RBM10: variants seen among roughly 807,000 people sequenced by gnomAD.
RBM10 encodes the protein RNA binding motif protein 10.
A neutral mutation model predicts 84.9 loss-of-function variants in RBM10; 1 was observed. That is an observed-to-expected ratio of 0.01 (90% CI 0.00 to 0.06). The LOEUF (loss-of-function observed/expected upper bound fraction) is 0.06. Ranked by LOEUF, RBM10 falls within the 10% of genes least tolerant of loss-of-function variation. RBM10 has a pLI of 1.00. For synonymous variants in RBM10, 326 were observed against 344.5 expected (o/e 0.95, Z 0.60); for missense variants, 438 against 839.0 (o/e 0.52, Z 5.90).
intron 1 of RBM10, among the ~76,000 whole-genome samples, chrX:47,145,897 C>T (rs1339157290): frequency 1.0e-5 from 1 of 97,184 alleles, no homozygotes; most frequent in Non-Finnish European, 2.0e-5. Context: ...GTTCTGGTCT[C>T]TATTCCTGGG....
chrX:47,145,547 G>A, intron 1 of RBM10, 62 bp downstream of exon 1: 1 of 1,110,149 alleles, frequency 9.0e-7, no homozygotes, highest in Non-Finnish European at 1.2e-6. Flanking sequence ...ACGTAGAGGA[G>A]GCGCGAGGGC....
chrX:47,159,883 AT>A (rs1933528085), intron 2 of RBM10, among the ~76,000 whole-genome samples: 1 of 112,388 alleles, frequency 8.9e-6, no homozygotes, highest in South Asian at 3.7e-4. Flanking sequence ...CATGCCTGTA[AT>A]CCCAGCACTT....
intron 17 of RBM10, 74 bp downstream of exon 17, chrX:47,182,400 C>T (rs2147201361): frequency 8.7e-7 from 1 of 1,147,898 alleles, no homozygotes. Flanking sequence ...TCAGCTCTTG[C>T]CCTCTCCTGC....
chrX:47,161,765 C>T (rs782241217), intron 2 of RBM10, among the ~76,000 whole-genome samples: 1 of 110,696 alleles, frequency 9.0e-6, no homozygotes, highest in South Asian at 3.8e-4. Flanking sequence ...CTCCCGGGCT[C>T]GAGCGATCCG....
At chrX:47,177,863 C>T (rs781851189) in intron 7 of RBM10, among the ~76,000 whole-genome samples, 5 of 111,850 alleles carry the variant, frequency 4.5e-5, no homozygotes, top group East Asian at 2.8e-4. Context: ...GCAGTCCTCA[C>T]GCCTCAGCCT....
At chrX:47,149,542 T>C (rs1159561194) in intron 2 of RBM10, among the ~76,000 whole-genome samples, 1 of 109,462 alleles carries the variant, frequency 9.1e-6, no homozygotes, top group African/African-American at 3.3e-5. Flanking sequence ...GTATTTTTAG[T>C]AGAGATGGGG....
Position 47,186,278 on chromosome X carries a change from G to T in RBM10, c.2558G>T (p.Arg853Leu). The T allele has an allele frequency of 8.3e-7, 1 of 1,208,105 alleles. No homozygotes were observed. Among genetic ancestry groups the T allele is most frequent in the Non-Finnish European group, 1.1e-6 (1 of 893,373 alleles). ...TGCAGAGACTTCGAGCAGCCTACTC[G>T]GGACGGGCTGGGCAGTGACAACATT... ...TASVDFEQPT[R>L]DGLGSDNIGS... The change falls in exon 23 of 24, where the codon CGG (arginine) becomes CTG (leucine). Residue 853 changes from arginine to leucine, a missense_variant. Transcript: ENST00000377604.
rs369214856 is a variant in RBM10, at chrX:47,147,507, T to C, written c.17+9T>C. The C allele has an allele frequency of 5.5e-5, 67 of 1,209,500 alleles. No individual in the cohort carries two copies. The highest frequency in any genetic ancestry group is 1.2e-4 in the African/African-American group (7 of 57,219). On this transcript the variant is annotated intron_variant, in intron 2 of 23. Transcript: ENST00000377604. ...ATGGAGTATGAAAGACGGTGAGTTA[T>C]CTGTTCTCAGCTTCCCAGACAGCCT...
intron 2 of RBM10, chrX:47,157,595 G>A (rs960765399): frequency 1.5e-5 from 7 of 463,169 alleles, no homozygotes; most frequent in African/African-American, 2.4e-5. Context: ...GGGTTCTGAC[G>A]GCAGGGAAGG....
chrX:47,175,104 G>A lies in RBM10; in HGVS notation c.576+12G>A, dbSNP rs1935029138. On this transcript the variant is annotated intron_variant, in intron 6 of 23. Coordinates refer to ENST00000377604, the MANE Select transcript of RBM10 (RefSeq NM_005676.5). ...TGGAAGCCAATCAGGTTGCTTTGCC[G>A]CACTTGAACCCCCCCCCAAACAAAT... The A allele has an allele frequency of 4.2e-6, 5 of 1,193,471 alleles. No homozygotes were observed. The highest frequency in any genetic ancestry group is 5.7e-6 in the Non-Finnish European group (5 of 880,326).
chrX:47,158,082 G>A, intron 2 of RBM10: 1 of 189,402 alleles, frequency 5.3e-6, no homozygotes, highest in Non-Finnish European at 1.0e-5. Context: ...GGCCTCAGCT[G>A]CACCACTTCT....
intron 2 of RBM10, among the ~76,000 whole-genome samples, chrX:47,163,242 CATGTA>C (rs1246048728): frequency 1.8e-5 from 2 of 111,241 alleles, no homozygotes; most frequent in Non-Finnish European, 3.8e-5. Context: ...ATGACAACTA[CATGTA>C]ATGTAATATT....
chrX:47,158,599 C>T (rs1386265148), intron 2 of RBM10, among the ~76,000 whole-genome samples: 3 of 111,921 alleles, frequency 2.7e-5, no homozygotes, highest in Non-Finnish European at 5.7e-5. Flanking sequence ...GACGAGGTTT[C>T]ACCATGTTGC....
At chrX:47,173,229 A>G (rs1376633575) in intron 5 of RBM10, 32 bp downstream of exon 5, 6 of 1,206,363 alleles carry the variant, frequency 5.0e-6, no homozygotes, top group African/African-American at 1.7e-5. Flanking sequence ...CTCCCCTTCA[A>G]GTGGCCAGCC....
intron 2 of RBM10, among the ~76,000 whole-genome samples, chrX:47,152,205 C>T (rs2147080277): frequency 9.0e-6 from 1 of 111,365 alleles, no homozygotes; most frequent in South Asian, 3.7e-4. Flanking sequence ...GAGTGAGACT[C>T]CATATCAAAA....
intron 1 of RBM10, 132 bp downstream of exon 1, chrX:47,145,617 GA>G (rs1932066743): frequency 2.4e-5 from 12 of 510,027 alleles, no homozygotes; most frequent in Admixed American, 5.2e-5. Flanking sequence ...CTCAACCCGG[GA>G]GGGTTTTTTT....
rs200076715 is a variant in RBM10, at chrX:47,147,540, C to T, written c.17+42C>T. 3.8e-4 allele frequency: 458 copies of T among 1,197,699 alleles called. 1 individual carries two copies. The highest frequency in any genetic ancestry group is 1.8e-3 in the Middle Eastern group (8 of 4,347). On this transcript the variant is annotated intron_variant, in intron 2 of 23. Transcript: ENST00000377604. Reference sequence around the variant, plus strand: ...CAGCTTCCCAGACAGCCTAGGCTTGCGTCTATGTGAGAATTGATCCAAGAA... The same window carrying T: ...CAGCTTCCCAGACAGCCTAGGCTTGTGTCTATGTGAGAATTGATCCAAGAA...
intron 2 of RBM10, among the ~76,000 whole-genome samples, chrX:47,161,866 CAG>C (rs1213415499): frequency 9.2e-6 from 1 of 108,884 alleles, no homozygotes; most frequent in Non-Finnish European, 1.9e-5. Context: ...TGTTTTGAGA[CAG>C]AGTCTCACTC....
chrX:47,172,098 G>A (rs1305682451), intron 4 of RBM10, among the ~76,000 whole-genome samples: 1 of 112,342 alleles, frequency 8.9e-6, no homozygotes, highest in Non-Finnish European at 1.9e-5. Flanking sequence ...GTATGATTCA[G>A]TCCCCATGGC....
Sources: gnomAD v4.1 joint callset for allele counts (sites outside exome capture counted in the v4.1 genomes callset) on GRCh38, gnomAD v4.1.1 for gene constraint, MANE v1.5 for transcripts, NCBI Gene and HGNC (gene_info 2026-07-23, HGNC 2026-07-21) for gene names.